PATJ: variants seen among roughly 807,000 people sequenced by gnomAD.
The protein encoded by PATJ is PATJ crumbs cell polarity complex component.
In PATJ, 190 loss-of-function variants were observed where a neutral mutation model predicts 224.9. That is an observed-to-expected ratio of 0.84 (90% CI 0.75 to 0.95). The LOEUF (loss-of-function observed/expected upper bound fraction) is 0.95, where lower values mean the gene tolerates loss of function less well. Ranked by LOEUF, PATJ falls within the 40% of genes least tolerant of loss-of-function variation. The pLI, the probability that PATJ is intolerant of heterozygous loss-of-function variation, is 0.00. For missense variants in PATJ, 2,121 were observed against 2,270.3 expected (o/e 0.93, Z 1.34); for synonymous variants, 769 against 820.3 (o/e 0.94, Z 1.07).
At chr1:61,766,640 G>T (rs1295975264) in intron 4 of PATJ, among the ~76,000 whole-genome samples, 167 bp downstream of exon 4, 1 of 152,082 alleles carries the variant, frequency 6.6e-6, no homozygotes, top group Non-Finnish European at 1.5e-5. Flanking sequence ...TAACCTGTGT[G>T]TTGAAAATTT....
chr1:61,854,979 A>G (rs1570914671), intron 17 of PATJ, among the ~76,000 whole-genome samples: 1 of 152,374 alleles, frequency 6.6e-6, no homozygotes. Context: ...AGGGTACTAT[A>G]TCATAATTTT....
chr1:62,073,288 G>A, intron 31 of PATJ: 8 of 985,262 alleles, frequency 8.1e-6, no homozygotes, highest in Non-Finnish European at 9.6e-6. Flanking sequence ...CAAATATCTT[G>A]TGTTCACCTC....
intron 12 of PATJ, among the ~76,000 whole-genome samples, chr1:61,804,181 C>T (rs1379682370): frequency 6.6e-6 from 1 of 152,106 alleles, no homozygotes. Flanking sequence ...GATGTTAGAA[C>T]TCTTAATGTA....
chr1:61,908,077 A>G (rs974262816), intron 24 of PATJ, among the ~76,000 whole-genome samples: 2 of 152,196 alleles, frequency 1.3e-5, no homozygotes, highest in Non-Finnish European at 2.9e-5. Flanking sequence ...GGTGACAGAC[A>G]TCTTAAGGTT....
chr1:61,881,328 G>C (rs1479555962), intron 21 of PATJ, among the ~76,000 whole-genome samples: 1 of 151,838 alleles, frequency 6.6e-6, no homozygotes, highest in Non-Finnish European at 1.5e-5. Flanking sequence ...CCCTGAATTT[G>C]ACCTGTATGC....
At chr1:61,777,703 CTTT>C (rs66470863) in intron 7 of PATJ, among the ~76,000 whole-genome samples, 15 of 48,742 alleles carry the variant, frequency 3.1e-4, no homozygotes, top group African/African-American at 1.3e-3. Flanking sequence ...TTCTTTCTTT[CTTT>C]TTTTTTTTTT....
chr1:62,046,407 C>T (rs1168679840), intron 30 of PATJ, among the ~76,000 whole-genome samples: 1 of 152,222 alleles, frequency 6.6e-6, no homozygotes, highest in Non-Finnish European at 1.5e-5. Flanking sequence ...TATCCTCCCT[C>T]AATTCCAACT....
chr1:62,114,104 C>A lies in PATJ; in HGVS notation c.4513C>A (p.Leu1505Met). 2 of 1,614,156 alleles carry A rather than the reference C, an allele frequency of 1.2e-6. No homozygotes were observed. The highest frequency in any genetic ancestry group is 1.6e-4 in the Middle Eastern group (1 of 6,062). ...NSSHEEAITA[L>M]RQTPQKVRLV... ...CAGCCACGAAGAAGCCATCACAGCC[C>A]TGAGGCAGACCCCCCAGAAGGTGCG... Residue 1505 changes from leucine to methionine, a missense_variant, in exon 35 of 44, where the codon CTG becomes ATG. Transcript: ENST00000642238.
At chr1:62,092,195 TG>T (rs1660826653) in intron 33 of PATJ, among the ~76,000 whole-genome samples, 1 of 151,390 alleles carries the variant, frequency 6.6e-6, no homozygotes, top group African/African-American at 2.4e-5. Context: ...CTGGGCAACA[TG>T]GCAAGACCCC....
At chr1:62,118,612 G>T (rs1664707976) in intron 37 of PATJ, among the ~76,000 whole-genome samples, 1 of 151,790 alleles carries the variant, frequency 6.6e-6, no homozygotes, top group African/African-American at 2.4e-5. Context: ...AGAGATGTAT[G>T]TGAGCATCTT....
rs1438341571 is a variant in PATJ at position 61,813,372 on chromosome 1, TATATATACACACAC to T, written c.1683+4844_1683+4857del. ...ATATATATATATATATATATATATA[TATATATACACACAC>T]ACACACACACACATACACACATATA... On this transcript the variant is annotated intron_variant, in intron 14 of 43. Transcript: ENST00000642238. Among the ~76,000 whole-genome samples, 364 of 44,434 alleles carry T rather than the reference TATATATACACACAC, an allele frequency of 8.2e-3. 7 individuals are homozygous for T. Among genetic ancestry groups the T allele is most frequent in the Middle Eastern group, 0.068 (5 of 74 alleles). The allele number at this position is 44,434 out of a possible 152,430, so 29.2% of individuals were successfully genotyped here.
intron 28 of PATJ, among the ~76,000 whole-genome samples, chr1:62,005,281 A>G (rs372054223): frequency 1.5e-3 from 235 of 152,056 alleles, no homozygotes; most frequent in African/African-American, 5.4e-3. Context: ...GCTGGTCTCA[A>G]ACTCCTGACC....
At chr1:62,017,997 T>C (rs1646883824) in intron 29 of PATJ, 50 bp downstream of exon 29, 1 of 956,546 alleles carries the variant, frequency 1.0e-6, no homozygotes, top group African/African-American at 1.6e-5. Context: ...CTTCTGAAGA[T>C]GTTATTAGTG....
In PATJ at chr1:62,038,061, T is replaced by C. The variant is rs1570253079; in HGVS notation, c.4032+12T>C. On this transcript the variant is annotated intron_variant, in intron 30 of 43. Transcript: ENST00000642238. ...CATCTTCTATTGAGGTAAGGTTGTT[T>C]CTAATTAGCTCTTAGTATATTAGAT... 6.6e-7 allele frequency: 1 copy of C among 1,517,258 alleles called. No individual in the cohort carries two copies. Among genetic ancestry groups the C allele is most frequent in the Non-Finnish European group, 9.1e-7 (1 of 1,099,452 alleles). The allele number at this position is 1,517,258 out of a possible 1,614,324, so 94.0% of individuals were successfully genotyped here.
intron 37 of PATJ, 100 bp downstream of exon 37, chr1:62,117,318 A>G (rs2148901572): frequency 6.5e-7 from 1 of 1,542,454 alleles, no homozygotes; most frequent in East Asian, 2.4e-5. Context: ...TATCTAATGT[A>G]CAGCATATTC....
chr1:62,065,195 T>A (rs1656208725), intron 31 of PATJ, among the ~76,000 whole-genome samples: 1 of 152,246 alleles, frequency 6.6e-6, no homozygotes, highest in Non-Finnish European at 1.5e-5. Context: ...TTTGTTTTTT[T>A]CTTCTATTCT....
chr1:61,802,699 G>A (rs1044985880), intron 12 of PATJ, among the ~76,000 whole-genome samples: 1 of 152,050 alleles, frequency 6.6e-6, no homozygotes, highest in Non-Finnish European at 1.5e-5. Flanking sequence ...ATTTCTATAA[G>A]TTGCATTGAA....
intron 27 of PATJ, among the ~76,000 whole-genome samples, chr1:61,985,589 A>G (rs866793553): frequency 6.6e-6 from 1 of 152,014 alleles, no homozygotes; most frequent in Non-Finnish European, 1.5e-5. Context: ...TTGATTCTAC[A>G]CTTGACTAGC....
intron 8 of PATJ, among the ~76,000 whole-genome samples, chr1:61,789,771 C>T (rs1199330077): frequency 6.6e-6 from 1 of 152,072 alleles, no homozygotes; most frequent in African/African-American, 2.4e-5. Context: ...GAGATCCTTC[C>T]ACTACACTCC....
Sources: allele counts gnomAD v4.1 joint callset (sites outside exome capture counted in the v4.1 genomes callset), GRCh38; gene constraint gnomAD v4.1.1; transcripts MANE v1.5; gene names NCBI Gene and HGNC (gene_info 2026-07-23, HGNC 2026-07-21).